The following NDUFAB1 variants were observed in gnomAD, a reference collection of about 807,000 sequenced individuals.
NDUFAB1 encodes NADH:ubiquinone oxidoreductase subunit AB1.
NDUFAB1 carries 5 observed loss-of-function variants against 16.1 expected under a neutral mutation model. That is an observed-to-expected ratio of 0.31 (90% CI 0.16 to 0.65). The LOEUF (loss-of-function observed/expected upper bound fraction) is 0.65. Ranked by LOEUF, NDUFAB1 falls within the 30% of genes least tolerant of loss-of-function variation. The probability of loss-of-function intolerance (pLI) is 0.77; values close to 1 mark genes in which losing one functional copy is unlikely to be tolerated. For missense variants in NDUFAB1, 187 were observed against 205.3 expected, an observed-to-expected ratio of 0.91 and a Z score of 0.54; for synonymous variants, 85 against 78.4, an observed-to-expected ratio of 1.08 and a Z score of -0.44.
chr16:23,582,379 A>C lies in NDUFAB1; in HGVS notation c.380-4T>G. 1 of 1,559,078 alleles carries C rather than the reference A, an allele frequency of 6.4e-7. No homozygotes were observed. The highest frequency in any genetic ancestry group is 8.6e-7 in the Non-Finnish European group (1 of 1,156,208). ...TCTATATCAGGAATTTCAAACCCTA[A>C]AAGAAAAATATACAACAATGTGAGA... is the stretch of plus-strand genomic sequence containing the variant. On this transcript the variant is annotated splice_polypyrimidine_tract_variant and splice_region_variant and intron_variant, in intron 3 of 4. Coordinates refer to ENST00000007516, the MANE Select transcript of NDUFAB1 (RefSeq NM_005003.3).
chr16:23,594,023 GGCGCCCGCCACCACGCCC>G (rs1966301746), intron 1 of NDUFAB1, among the ~76,000 whole-genome samples: 1 of 151,936 alleles, frequency 6.6e-6, no homozygotes, highest in Non-Finnish European at 1.5e-5. Context: ...TGGGACTACA[GGCGCCCGCCACCACGCCC>G]GGCTAATTAT....
At chr16:23,585,996 C>T (rs375154453) in intron 2 of NDUFAB1, among the ~76,000 whole-genome samples, 5 of 152,274 alleles carry the variant, frequency 3.3e-5, no homozygotes, top group Admixed American at 6.5e-5. Context: ...GGCACGATCT[C>T]GGCTCACTGC....
chr16:23,583,308 C>T (rs537791715), intron 3 of NDUFAB1, among the ~76,000 whole-genome samples: 7 of 150,462 alleles, frequency 4.7e-5, no homozygotes, highest in African/African-American at 1.7e-4. Context: ...CCCTTCCCGG[C>T]CGCCATCCTG....
At chr16:23,595,830 T>A (rs1966320590) in intron 1 of NDUFAB1, among the ~76,000 whole-genome samples, 1 of 152,210 alleles carries the variant, frequency 6.6e-6, no homozygotes, top group Non-Finnish European at 1.5e-5. Context: ...GAGACCAGGA[T>A]CCCAATTTTG....
At chr16:23,582,173 A>G in intron 4 of NDUFAB1, 103 bp downstream of exon 4, 1 of 1,306,752 alleles carries the variant, frequency 7.7e-7, no homozygotes, top group East Asian at 3.0e-5. Flanking sequence ...AGTAGTGAAA[A>G]ATCTTGGTCA....
intron 1 of NDUFAB1, among the ~76,000 whole-genome samples, chr16:23,594,575 A>T (rs1966306998): frequency 6.6e-6 from 1 of 151,732 alleles, no homozygotes; most frequent in Non-Finnish European, 1.5e-5. Context: ...AATGGTCTCG[A>T]TCGCCTGACC....
At chr16:23,588,449 G>A (rs945404650) in intron 1 of NDUFAB1, among the ~76,000 whole-genome samples, 6 of 151,590 alleles carry the variant, frequency 4.0e-5, no homozygotes, top group East Asian at 1.9e-4. Context: ...GCAAGACTCC[G>A]TCTCAAAAAA....
intron 1 of NDUFAB1, 62 bp from the exon 2 acceptor site, chr16:23,587,381 C>CAAGCCTA (rs763986855): frequency 2.2e-5 from 35 of 1,570,008 alleles, no homozygotes; most frequent in Non-Finnish European, 2.8e-5. Context: ...AATCAATGCA[C>CAAGCCTA]AAGCCTATAG....
At chr16:23,584,971 C>T (rs952321317) in intron 3 of NDUFAB1, among the ~76,000 whole-genome samples, 1 of 152,184 alleles carries the variant, frequency 6.6e-6, no homozygotes, top group Non-Finnish European at 1.5e-5. Flanking sequence ...CTACCTGGTT[C>T]GCGTTACCCG....
At chr16:23,596,053 C>G in intron 1 of NDUFAB1, 70 bp downstream of exon 1, 1 of 1,523,336 alleles carries the variant, frequency 6.6e-7, no homozygotes, top group Non-Finnish European at 8.8e-7. Flanking sequence ...GCCCCGGATG[C>G]CCGGCCCCCA....
At chr16:23,584,343 A>G (rs1168811427) in intron 3 of NDUFAB1, among the ~76,000 whole-genome samples, 1 of 142,578 alleles carries the variant, frequency 7.0e-6, no homozygotes, top group Non-Finnish European at 1.5e-5. Flanking sequence ...TGTACTTTCT[A>G]TCTCTGGATT....
chr16:23,595,758 G>T (rs3760109), intron 1 of NDUFAB1: 62,180 of 464,214 alleles, frequency 0.13, 4,749 homozygotes, highest in African/African-American at 0.2. Context: ...GCTATTTTGA[G>T]ACCGTACGAG....
At chr16:23,588,665 G>A (rs1966253688) in intron 1 of NDUFAB1, among the ~76,000 whole-genome samples, 1 of 152,094 alleles carries the variant, frequency 6.6e-6, no homozygotes, top group Non-Finnish European at 1.5e-5. Context: ...CTCTGTAGAA[G>A]AAACATTCAT....
At chr16:23,590,636 C>CTTTT (rs1567409172) in intron 1 of NDUFAB1, among the ~76,000 whole-genome samples, 3 of 106,182 alleles carry the variant, frequency 2.8e-5, no homozygotes. Flanking sequence ...TGCCTCTGGT[C>CTTTT]TCTTTTTTTT....
At chr16:23,586,362 T>C (rs1375567553) in intron 2 of NDUFAB1, among the ~76,000 whole-genome samples, 1 of 151,148 alleles carries the variant, frequency 6.6e-6, no homozygotes, top group African/African-American at 2.4e-5. Flanking sequence ...TAGATGGAGT[T>C]TCACCCTGTC....
intron 1 of NDUFAB1, among the ~76,000 whole-genome samples, chr16:23,594,601 C>G (rs1358359400): frequency 6.6e-6 from 1 of 152,074 alleles, no homozygotes; most frequent in Non-Finnish European, 1.5e-5. Context: ...ATCCGCCCGC[C>G]TCGGCATCCC....
chr16:23,595,150 G>A (rs996091177), intron 1 of NDUFAB1, among the ~76,000 whole-genome samples: 2 of 152,068 alleles, frequency 1.3e-5, no homozygotes, highest in African/African-American at 2.4e-5. Flanking sequence ...ACTCGGGGGG[G>A]CTGAGGGAGG....
chr16:23,592,102 C>A (rs946996066), intron 1 of NDUFAB1, among the ~76,000 whole-genome samples: 3 of 152,026 alleles, frequency 2.0e-5, no homozygotes, highest in African/African-American at 4.8e-5. Flanking sequence ...CCTTGAGTGG[C>A]CGGAAAGGAG....
intron 3 of NDUFAB1, among the ~76,000 whole-genome samples, chr16:23,583,554 G>A (rs1184405045): frequency 6.6e-6 from 1 of 151,592 alleles, no homozygotes; most frequent in Non-Finnish European, 1.5e-5. Context: ...GACCCCATCT[G>A]GGAGGTGAGG....
Sources: gnomAD v4.1 joint callset for allele counts (sites outside exome capture counted in the v4.1 genomes callset) on GRCh38, gnomAD v4.1.1 for gene constraint, MANE v1.5 for transcripts, NCBI Gene and HGNC (gene_info 2026-07-23, HGNC 2026-07-21) for gene names.